Variants in EFCAB5 observed in about 807,000 individuals in gnomAD.
The protein encoded by EFCAB5 is EF-hand calcium binding domain 5.
In EFCAB5, 131 loss-of-function variants were observed where a neutral mutation model predicts 167.9. That is an observed-to-expected ratio of 0.78 (90% CI 0.68 to 0.90). EFCAB5 has a LOEUF of 0.90. Among genes scored for constraint, EFCAB5 ranks in the 40% least tolerant of loss-of-function variants. EFCAB5 has a pLI of 0.00. For synonymous variants in EFCAB5, 574 were observed against 602.8 expected (o/e 0.95, Z 0.70); for missense variants, 1,663 against 1,745.2 (o/e 0.95, Z 0.84).
rs1270538663 is a variant in EFCAB5, at chr17:29,931,475, C to T, written c.-127+2146C>T. Among the ~76,000 whole-genome samples the T allele has an allele frequency of 5.3e-5, 8 of 152,322 alleles. No individual in the cohort carries two copies. The South Asian group carries it at 1.7e-3, about 32-fold the overall frequency. On this transcript the variant is annotated intron_variant, in intron 1 of 3. Coordinates refer to the EFCAB5 transcript ENST00000448319. ...ATCAAGAATCAGACACTGAGGGTCC[C>T]TGTACTGTACAGTCCTATGTAGAGT... is the stretch of plus-strand genomic sequence containing the variant.
At chr17:29,984,827 T>G (rs1460627476) in intron 4 of EFCAB5, among the ~76,000 whole-genome samples, 1 of 152,226 alleles carries the variant, frequency 6.6e-6, no homozygotes, top group African/African-American at 2.4e-5. Flanking sequence ...TTTTCAAACT[T>G]CAAAGTTCAT....
intron 7 of EFCAB5, among the ~76,000 whole-genome samples, chr17:30,018,504 A>G (rs2069101298): frequency 6.6e-6 from 1 of 151,932 alleles, no homozygotes; most frequent in Non-Finnish European, 1.5e-5. Context: ...GTCTTTGAAT[A>G]CATCTTATAT....
chr17:30,097,060 ATTT>A (rs199614574), intron 22 of EFCAB5, among the ~76,000 whole-genome samples: 1,041 of 65,604 alleles, frequency 0.016, 37 homozygotes, highest in African/African-American at 0.077. Flanking sequence ...ATATATATAT[ATTT>A]TTTTTTTTTT....
Position 30,053,885 on chromosome 17 carries a change from T to G in EFCAB5, c.1931T>G (p.Ile644Arg). 6.2e-7 allele frequency: 1 copy of G among 1,613,932 alleles called. No homozygotes were observed. Among genetic ancestry groups the G allele is most frequent in the Non-Finnish European group, 8.5e-7 (1 of 1,179,868 alleles). ...CAGGGATCACTCAGAGAGTCAGTAATAGAAGAACCATACCAAAAATCAGAA... is the reference window on the plus strand; with the variant it reads ...CAGGGATCACTCAGAGAGTCAGTAAGAGAAGAACCATACCAAAAATCAGAA... Reference protein sequence around the residue: ...AEQGSLRESVIEEPYQKSEQG... With the variant: ...AEQGSLRESVREEPYQKSEQG... The change falls in exon 10 of 23, where the codon ATA becomes AGA. Residue 644 changes from isoleucine to arginine, a missense_variant. Physicochemically the swap from Ile to Arg is moderately conservative, Grantham distance 97. Coordinates refer to ENST00000394835, the MANE Select transcript of EFCAB5 (RefSeq NM_198529.4).
intron 4 of EFCAB5, among the ~76,000 whole-genome samples, chr17:29,979,578 A>G (rs2068130868): frequency 6.6e-6 from 1 of 152,170 alleles, no homozygotes; most frequent in Admixed American, 6.5e-5. Context: ...TGTCTAAAAC[A>G]TCCCTCCCTT....
chr17:30,057,845 G>C lies in EFCAB5; in HGVS notation c.2535G>C (p.Glu845Asp), dbSNP rs779599501. ...AGACTCTCACCTCCTTTTTTAAGGA[G>C]GGCTATGTTGAAACAGAACAAGAGA... is the stretch of plus-strand genomic sequence containing the variant. Reference protein sequence around the residue: ...VSETLTSFFKEGYVETEQEKM... With the variant: ...VSETLTSFFKDGYVETEQEKM... The change falls in exon 13 of 23, where the codon GAG becomes GAC. Residue 845 changes from glutamate to aspartate, a missense_variant. Physicochemically the swap from Glu to Asp is conservative, Grantham distance 45. Coordinates refer to ENST00000394835, the MANE Select transcript of EFCAB5 (RefSeq NM_198529.4). 6.2e-7 allele frequency: 1 copy of C among 1,613,588 alleles called. No individual in the cohort carries two copies. The highest frequency in any genetic ancestry group is 8.5e-7 in the Non-Finnish European group (1 of 1,179,740).
intron 1 of EFCAB5, chr17:29,930,093 G>T: frequency 9.4e-7 from 1 of 1,062,096 alleles, no homozygotes. Context: ...AAGGGGTGCG[G>T]GGTGGGGGTG....
At chr17:30,040,948 T>C (rs2069753786) in intron 8 of EFCAB5, among the ~76,000 whole-genome samples, 1 of 152,200 alleles carries the variant, frequency 6.6e-6, no homozygotes, top group Non-Finnish European at 1.5e-5. Context: ...TGTTCTTCCC[T>C]GCACTTACCT....
Position 30,055,033 on chromosome 17 carries a change from C to T in EFCAB5, c.2195-855C>T, listed in dbSNP as rs149758769. Among the ~76,000 whole-genome samples the T allele has an allele frequency of 5.9e-5, 9 of 152,186 alleles. No homozygotes were observed. The East Asian group carries it at 1.7e-3, about 29-fold the overall frequency. Reference sequence around the variant, plus strand: ...AAATTCTCAGCTGGGCATGGTGGCTCATGCCTGTAATCCCAGCACTTTGAG... The same window carrying T: ...AAATTCTCAGCTGGGCATGGTGGCTTATGCCTGTAATCCCAGCACTTTGAG... On this transcript the variant is annotated intron_variant, in intron 10 of 22. Coordinates refer to ENST00000394835, the MANE Select transcript of EFCAB5 (RefSeq NM_198529.4).
At position 30,044,491 on chromosome 17, in the gene EFCAB5, G is replaced by A. The variant is rs146395234; in HGVS notation, c.1201-6627G>A. Among the ~76,000 whole-genome samples the A allele has an allele frequency of 4.1e-3, 628 of 151,978 alleles. 5 individuals carry two copies. Among genetic ancestry groups the A allele is most frequent in the African/African-American group, 0.014 (594 of 41,420 alleles). On this transcript the variant is annotated intron_variant, in intron 8 of 22. Transcript: ENST00000394835. ...ACTGGGTGGCTGAGGCACGAGAATC[G>A]CTTGAACCCGGGAGGTGGAGTTTGC...
chr17:29,994,196 G>A (rs1261245176), intron 5 of EFCAB5, among the ~76,000 whole-genome samples: 21 of 119,766 alleles, frequency 1.8e-4, no homozygotes, highest in African/African-American at 3.6e-4. Flanking sequence ...TATATCACAC[G>A]TGCACACACA....
chr17:29,948,471 T>G (rs1387518492), intron 3 of EFCAB5, among the ~76,000 whole-genome samples: 2 of 152,220 alleles, frequency 1.3e-5, no homozygotes, highest in African/African-American at 2.4e-5. Context: ...ACTTATTTAT[T>G]AAATAATCAT....
intron 3 of EFCAB5, among the ~76,000 whole-genome samples, chr17:29,952,644 T>C (rs1029824750): frequency 1.3e-5 from 2 of 152,066 alleles, no homozygotes; most frequent in Non-Finnish European, 2.9e-5. Flanking sequence ...AAAAAGACTG[T>C]AGAATATATA....
At chr17:30,068,649 G>A (rs1409877463) in intron 14 of EFCAB5, 40 of 1,528,056 alleles carry the variant, frequency 2.6e-5, no homozygotes, top group Non-Finnish European at 3.5e-5. Flanking sequence ...ACATCACGCT[G>A]CTATTCCGGG....
At chr17:30,011,718 G>A (rs938467408) in intron 7 of EFCAB5, among the ~76,000 whole-genome samples, 1 of 152,040 alleles carries the variant, frequency 6.6e-6, no homozygotes, top group African/African-American at 2.4e-5. Flanking sequence ...TGAGACGATG[G>A]GGTTTTCTAA....
chr17:29,957,301 CATG>C (rs2067636117), intron 3 of EFCAB5, among the ~76,000 whole-genome samples: 1 of 152,052 alleles, frequency 6.6e-6, no homozygotes, highest in Admixed American at 6.6e-5. Context: ...GCATCCCTGG[CATG>C]ATGAGGGATT....
At chr17:29,994,132 AAATATATATATATATATATATATATATAT>A (rs1250424191) in intron 5 of EFCAB5, among the ~76,000 whole-genome samples, 19 of 71,488 alleles carry the variant, frequency 2.7e-4, no homozygotes, top group Admixed American at 1.7e-3. Context: ...CAACAACAAC[AAATATATATATATATATATATATATATAT>A]ATATATATAT....
intron 17 of EFCAB5, among the ~76,000 whole-genome samples, chr17:30,081,862 T>TG (rs1467263901): frequency 6.6e-6 from 1 of 152,178 alleles, no homozygotes; most frequent in Non-Finnish European, 1.5e-5. Flanking sequence ...TATCAGTAGG[T>TG]GAAGTATATA....
chr17:30,078,237 A>G lies in EFCAB5; in HGVS notation c.2760A>G (p.Pro920=). 6.2e-7 allele frequency: 1 copy of G among 1,611,902 alleles called. No homozygotes were observed. The highest frequency in any genetic ancestry group is 8.5e-7 in the Non-Finnish European group (1 of 1,178,654). Residue 920 remains proline (P), a synonymous_variant, in exon 15 of 23, where the codon CCA becomes CCG. Transcript: ENST00000394835. ...TAGCTAAACTACACATCCAATTTCC[A>G]AAGCCACACCCTGGTCACGAAGTGA... is the stretch of plus-strand genomic sequence containing the variant. ...MKKAKLHIQF[P]KPHPGHEVRL...
Sources: allele counts gnomAD v4.1 joint callset (sites outside exome capture counted in the v4.1 genomes callset), GRCh38; gene constraint gnomAD v4.1.1; transcripts MANE v1.5; gene names NCBI Gene and HGNC (gene_info 2026-07-23, HGNC 2026-07-21).